Variants in PCSK5 observed in about 807,000 individuals in gnomAD.
PCSK5 encodes the protein proprotein convertase subtilisin/kexin type 5.
PCSK5 carries 129 observed loss-of-function variants against 233.2 expected under a neutral mutation model. The observed-to-expected ratio is 0.55, with a 90% CI of 0.48 to 0.64. PCSK5 has a LOEUF of 0.64. Among genes scored for constraint, PCSK5 ranks in the 30% least tolerant of loss-of-function variants. The pLI is 0.00. For synonymous variants in PCSK5, 825 were observed against 879.2 expected (o/e 0.94, Z 1.09); for missense variants, 2,076 against 2,430.1 (o/e 0.85, Z 3.06).
intron 33 of PCSK5, among the ~76,000 whole-genome samples, chr9:76,331,442 C>T (rs978339984): frequency 7.9e-5 from 12 of 151,920 alleles, no homozygotes; most frequent in Middle Eastern, 3.4e-3. Flanking sequence ...CCGAGGTGGG[C>T]GGATCACAAG....
intron 20 of PCSK5, chr9:76,195,360 T>C (rs1323213595): frequency 6.6e-6 from 1 of 152,156 alleles, no homozygotes; most frequent in Non-Finnish European, 1.5e-5. Context: ...TTACTGTGAT[T>C]GATAGGAAAG....
intron 33 of PCSK5, among the ~76,000 whole-genome samples, chr9:76,331,165 A>G (rs1467774179): frequency 6.6e-6 from 1 of 152,138 alleles, no homozygotes; most frequent in Non-Finnish European, 1.5e-5. Context: ...CAGGCTATTT[A>G]TAAATTAGAT....
At chr9:76,299,533 G>A (rs896008028) in intron 27 of PCSK5, among the ~76,000 whole-genome samples, 28 of 152,140 alleles carry the variant, frequency 1.8e-4, no homozygotes, top group Non-Finnish European at 2.5e-4. Context: ...TTAGCCGGGC[G>A]TGGTGGTCAG....
chr9:75,909,716 A>T (rs759749153), intron 1 of PCSK5, among the ~76,000 whole-genome samples: 2 of 152,226 alleles, frequency 1.3e-5, no homozygotes, highest in Non-Finnish European at 2.9e-5. Flanking sequence ...ATGCCCTCAG[A>T]AAGATTTTCT....
chr9:76,259,576 T>A (rs186780508), intron 24 of PCSK5, among the ~76,000 whole-genome samples: 2 of 152,238 alleles, frequency 1.3e-5, no homozygotes, highest in East Asian at 3.9e-4. Context: ...TATCTGTGTG[T>A]CGTATTTCTT....
At chr9:76,146,232 G>A (rs1247799920) in intron 10 of PCSK5, among the ~76,000 whole-genome samples, 1 of 152,040 alleles carries the variant, frequency 6.6e-6, no homozygotes, top group Non-Finnish European at 1.5e-5. Flanking sequence ...CAAAAAGAAA[G>A]CTATTGTGAT....
chr9:76,247,068 G>C (rs963650100), intron 24 of PCSK5, among the ~76,000 whole-genome samples: 1 of 152,218 alleles, frequency 6.6e-6, no homozygotes, highest in Non-Finnish European at 1.5e-5. Flanking sequence ...CTAGTGTTCA[G>C]CTCGATTAGG....
intron 20 of PCSK5, among the ~76,000 whole-genome samples, chr9:76,218,996 T>C (rs1217984066): frequency 6.6e-6 from 1 of 152,198 alleles, no homozygotes; most frequent in Non-Finnish European, 1.5e-5. Context: ...CCGCATTCCA[T>C]ACAGACCTGT....
chr9:76,350,719 C>G, intron 35 of PCSK5, 109 bp from the exon 36 acceptor site: 1 of 725,308 alleles, frequency 1.4e-6, no homozygotes, highest in Non-Finnish European at 2.4e-6. Flanking sequence ...TCAATTCACC[C>G]TTCTGCTTCA....
chr9:75,978,233 T>G (rs969848345), intron 2 of PCSK5, among the ~76,000 whole-genome samples: 4 of 152,172 alleles, frequency 2.6e-5, no homozygotes, highest in African/African-American at 9.7e-5. Context: ...TCCATTCACC[T>G]TACCTATTTC....
chr9:76,193,410 AAAG>A, intron 20 of PCSK5: 3 of 1,206,338 alleles, frequency 2.5e-6, no homozygotes, highest in Non-Finnish European at 3.2e-6. Context: ...ATATTATTAA[AAAG>A]AAAAAAGCCA....
chr9:76,099,051 G>C (rs1294828853), intron 8 of PCSK5, among the ~76,000 whole-genome samples: 1 of 152,166 alleles, frequency 6.6e-6, no homozygotes, highest in Non-Finnish European at 1.5e-5. Flanking sequence ...TTTTGCTTGT[G>C]ATTTCAAAGC....
intron 20 of PCSK5, among the ~76,000 whole-genome samples, chr9:76,211,171 G>A (rs1825316112): frequency 6.6e-6 from 1 of 152,188 alleles, no homozygotes; most frequent in Non-Finnish European, 1.5e-5. Flanking sequence ...AGATTTAAGG[G>A]CAGAGAAGCA....
At chr9:75,910,266 C>G (rs80204397) in intron 1 of PCSK5, among the ~76,000 whole-genome samples, 4 of 152,156 alleles carry the variant, frequency 2.6e-5, no homozygotes, top group South Asian at 2.1e-4. Flanking sequence ...ATAAGAACCC[C>G]GTGATGTAAT....
At chr9:76,063,949 G>A (rs1179590933) in intron 5 of PCSK5, among the ~76,000 whole-genome samples, 3 of 73,292 alleles carry the variant, frequency 4.1e-5, no homozygotes, top group Non-Finnish European at 7.4e-5. Context: ...GCGCCTGGCC[G>A]GGCGGAGGGC....
intron 24 of PCSK5, among the ~76,000 whole-genome samples, chr9:76,262,450 C>T (rs1408896973): frequency 6.6e-6 from 1 of 151,918 alleles, no homozygotes; most frequent in Non-Finnish European, 1.5e-5. Flanking sequence ...TGGAACAGAA[C>T]AGAGCCCTCA....
At chr9:76,258,757 A>G (rs1223115440) in intron 24 of PCSK5, among the ~76,000 whole-genome samples, 1 of 152,246 alleles carries the variant, frequency 6.6e-6, no homozygotes, top group Non-Finnish European at 1.5e-5. Context: ...AAGTTTTACA[A>G]ATGGGAAGTT....
rs1830417991 is a variant in PCSK5, at chr9:76,360,725, C to A, written c.*1803C>A. 6.6e-6 allele frequency: 1 copy of A among 152,176 alleles called. No individual in the cohort carries two copies. The highest frequency in any genetic ancestry group is 2.4e-5 in the African/African-American group (1 of 41,426). The allele number at this position is 152,176 out of a possible 1,614,324, so 9.4% of individuals were successfully genotyped here. A position where few individuals can be genotyped will look rare whatever the true frequency, so the allele number is the denominator to read the frequency against. On this transcript the variant is annotated 3_prime_UTR_variant, in exon 38 of 38. Coordinates refer to ENST00000674117, the MANE Select transcript of PCSK5 (RefSeq NM_001372043.1). ...CTTGGCCAGAAAGTCTCTGTCATAA[C>A]CACTCAGCTCTGCTATTATAGCATG...
chr9:75,997,915 C>G (rs1029055897), intron 3 of PCSK5, among the ~76,000 whole-genome samples: 1 of 152,130 alleles, frequency 6.6e-6, no homozygotes, highest in Non-Finnish European at 1.5e-5. Context: ...CTTCTTTTCT[C>G]TTTTAGTTTC....
Sources: allele counts gnomAD v4.1 joint callset (sites outside exome capture counted in the v4.1 genomes callset), GRCh38; gene constraint gnomAD v4.1.1; transcripts MANE v1.5; gene names NCBI Gene and HGNC (gene_info 2026-07-23, HGNC 2026-07-21).